GPM6A: variants seen among roughly 807,000 people sequenced by gnomAD.
GPM6A encodes the protein neuronal membrane glycoprotein M6-a.
Under a neutral mutation model 32.1 loss-of-function variants are expected in GPM6A, and 7 were observed. That is an observed-to-expected ratio of 0.22 (90% CI 0.12 to 0.41). The LOEUF (loss-of-function observed/expected upper bound fraction) is 0.41, where lower values mean the gene tolerates loss of function less well. Among genes scored for constraint, GPM6A ranks in the 10% least tolerant of loss-of-function variants. The pLI is 1.00. For missense variants in GPM6A, 235 were observed against 347.2 expected (o/e 0.68, Z 2.57); for synonymous variants, 130 against 123.4 (o/e 1.05, Z -0.35).
intron 1 of GPM6A, among the ~76,000 whole-genome samples, chr4:175,731,449 C>T (rs901278738): frequency 1.1e-4 from 17 of 152,228 alleles, no homozygotes; most frequent in African/African-American, 3.4e-4. Context: ...GAGAATCTGA[C>T]CTCAATCATG....
chr4:175,824,044 C>A (rs889127177), intron 1 of GPM6A, among the ~76,000 whole-genome samples: 6 of 152,234 alleles, frequency 3.9e-5, no homozygotes, highest in African/African-American at 1.4e-4. Context: ...GAGCAAGAGG[C>A]CTTAGATTGT....
intron 4 of GPM6A, among the ~76,000 whole-genome samples, chr4:175,648,406 C>T (rs1365289164): frequency 2.0e-5 from 3 of 152,134 alleles, no homozygotes; most frequent in Non-Finnish European, 4.4e-5. Flanking sequence ...GGCAACTTTG[C>T]TGGCTTTGAC....
At chr4:175,759,827 TAAGA>T (rs1258675741) in intron 1 of GPM6A, among the ~76,000 whole-genome samples, 33 of 152,302 alleles carry the variant, frequency 2.2e-4, no homozygotes, top group Non-Finnish European at 4.3e-4. Context: ...TTCTCCTTCA[TAAGA>T]AAGAGATTAT....
chr4:175,964,296 A>AAAC (rs140794301), intron 1 of GPM6A, among the ~76,000 whole-genome samples: 1,959 of 151,410 alleles, frequency 0.013, 25 homozygotes, highest in African/African-American at 0.021. Context: ...AAAAACAAAC[A>AAAC]AACAACAACA....
intron 1 of GPM6A, among the ~76,000 whole-genome samples, chr4:175,990,232 T>C (rs912083195): frequency 1.1e-4 from 16 of 152,190 alleles, no homozygotes; most frequent in African/African-American, 3.9e-4. Flanking sequence ...TTTTATTACA[T>C]CTGTAACCAA....
At chr4:175,806,473 CAAGAT>C (rs918429446) in intron 1 of GPM6A, among the ~76,000 whole-genome samples, 11 of 152,118 alleles carry the variant, frequency 7.2e-5, no homozygotes, top group African/African-American at 2.7e-4. Flanking sequence ...TTCATCTGAA[CAAGAT>C]GTTAGAAATG....
intron 1 of GPM6A, among the ~76,000 whole-genome samples, chr4:175,770,723 C>A (rs981639927): frequency 6.6e-6 from 1 of 152,118 alleles, no homozygotes; most frequent in Admixed American, 6.5e-5. Flanking sequence ...TCATGGATGA[C>A]CTCACTGTGC....
chr4:175,857,667 GT>G (rs1736456145), intron 1 of GPM6A, among the ~76,000 whole-genome samples: 1 of 151,860 alleles, frequency 6.6e-6, no homozygotes, highest in African/African-American at 2.4e-5. Flanking sequence ...ATCCATTGTT[GT>G]TTTTAGAAAC....
At chr4:175,956,699 C>T (rs1739997702) in intron 1 of GPM6A, among the ~76,000 whole-genome samples, 1 of 150,962 alleles carries the variant, frequency 6.6e-6, no homozygotes, top group Non-Finnish European at 1.5e-5. Context: ...AATCCCTCCT[C>T]TAATTCTAAT....
intron 1 of GPM6A, among the ~76,000 whole-genome samples, chr4:175,726,860 T>C (rs773969559): frequency 6.6e-6 from 1 of 151,948 alleles, no homozygotes; most frequent in Non-Finnish European, 1.5e-5. Flanking sequence ...GCCGGGTGTG[T>C]TGATGTGCAC....
At chr4:175,996,597 T>A (rs933611671) in intron 1 of GPM6A, among the ~76,000 whole-genome samples, 1 of 152,222 alleles carries the variant, frequency 6.6e-6, no homozygotes, top group Non-Finnish European at 1.5e-5. Flanking sequence ...TATTTGAAAC[T>A]ATTTTGAGTG....
rs186702486 is a variant in GPM6A at position 175,909,910 on chromosome 4, G to A, written c.-23+92399C>T. ...AAAAGAGAAACCAAGTACTACCCTT[G>A]TATTAAACATGAAGAGCTCATGGAG... On this transcript the variant is annotated intron_variant, in intron 1 of 7. Transcript: ENST00000280187. 3.2e-3 allele frequency among the ~76,000 whole-genome samples: 481 copies of A among 152,216 alleles called. 1 individual carries two copies. The highest frequency in any genetic ancestry group is 6.6e-3 in the South Asian group (32 of 4,824).
At chr4:175,789,852 G>GC (rs1733943940) in intron 1 of GPM6A, among the ~76,000 whole-genome samples, 1 of 152,152 alleles carries the variant, frequency 6.6e-6, no homozygotes, top group Non-Finnish European at 1.5e-5. Context: ...GCCTTTGTAT[G>GC]CCATCTGCGG....
intron 1 of GPM6A, among the ~76,000 whole-genome samples, chr4:175,959,136 CAG>C (rs772619010): frequency 1.3e-5 from 2 of 152,086 alleles, no homozygotes; most frequent in Non-Finnish European, 2.9e-5. Context: ...TGACTAAAAA[CAG>C]AGATTTTGCC....
intron 1 of GPM6A, among the ~76,000 whole-genome samples, chr4:175,742,955 T>G (rs897777613): frequency 1.3e-5 from 2 of 152,082 alleles, no homozygotes; most frequent in African/African-American, 4.8e-5. Flanking sequence ...GAGACTTGCC[T>G]GGGCAACATT....
At chr4:175,741,616 C>A (rs1208419842) in intron 1 of GPM6A, among the ~76,000 whole-genome samples, 1 of 152,100 alleles carries the variant, frequency 6.6e-6, no homozygotes, top group African/African-American at 2.4e-5. Flanking sequence ...CTACACACTA[C>A]TTTATATTTC....
chr4:175,637,730 T>A (rs1246285285), intron 6 of GPM6A, among the ~76,000 whole-genome samples: 49 of 10,224 alleles, frequency 4.8e-3, no homozygotes, highest in African/African-American at 0.011. Context: ...TATAATATAT[T>A]ATATATTATA....
chr4:175,847,907 A>T (rs755693450), intron 1 of GPM6A, among the ~76,000 whole-genome samples: 1 of 152,192 alleles, frequency 6.6e-6, no homozygotes, highest in South Asian at 2.1e-4. Context: ...GCTCTGATCA[A>T]CGTCAACCAG....
chr4:175,781,164 C>T (rs1244286281), intron 1 of GPM6A: 1 of 152,012 alleles, frequency 6.6e-6, no homozygotes, highest in Non-Finnish European at 1.5e-5. Context: ...ATAACGTTCA[C>T]ATTAATTTCT....
Sources: gnomAD v4.1 joint callset for allele counts (sites outside exome capture counted in the v4.1 genomes callset) on GRCh38, gnomAD v4.1.1 for gene constraint, MANE v1.5 for transcripts, NCBI Gene and HGNC (gene_info 2026-07-23, HGNC 2026-07-21) for gene names.